Variants in CANX observed in about 807,000 individuals in gnomAD.
CANX encodes the protein epididymis secretory sperm binding protein.
In CANX, 14 loss-of-function variants were observed where a neutral mutation model predicts 75.7. The ratio of observed to expected loss-of-function variants is 0.19; its 90% confidence interval spans 0.12 to 0.29. CANX has a LOEUF of 0.29. CANX is among the 10% of genes least tolerant of loss of function. CANX has a pLI of 1.00. For missense variants in CANX, 567 were observed against 713.2 expected (o/e 0.79, Z 2.34); for synonymous variants, 227 against 236.9 (o/e 0.96, Z 0.38).
chr5:179,686,224 C>T (rs1380859170), intron 1 of CANX, among the ~76,000 whole-genome samples: 3 of 148,026 alleles, frequency 2.0e-5, no homozygotes, highest in African/African-American at 7.4e-5. Context: ...CAGCCTCCTG[C>T]GTAGCTGGGA....
intron 7 of CANX, 139 bp downstream of exon 7, chr5:179,710,204 C>T (rs570122866): frequency 1.8e-4 from 99 of 554,808 alleles, no homozygotes; most frequent in African/African-American, 1.8e-3. Context: ...GGGCAGATCA[C>T]CTGAGATCAG....
intron 7 of CANX, chr5:179,715,800 T>C (rs1458195895): frequency 5.1e-6 from 2 of 394,094 alleles, no homozygotes; most frequent in African/African-American, 4.2e-5. Flanking sequence ...ATTGTGTTAG[T>C]TTATGTAGTT....
upstream of CANX, among the ~76,000 whole-genome samples, chr5:179,696,498 A>G (rs1034226532): frequency 6.7e-6 from 1 of 148,810 alleles, no homozygotes; most frequent in Non-Finnish European, 1.5e-5. Flanking sequence ...CTGGTCTTGA[A>G]CTCCTGACCT....
chr5:179,690,557 CAA>C (rs1705435121), intron 1 of CANX, among the ~76,000 whole-genome samples: 1 of 91,908 alleles, frequency 1.1e-5, no homozygotes, highest in African/African-American at 4.4e-5. Context: ...GCCTGGGGGA[CAA>C]GAGTGAGACT....
chr5:179,707,645 ATT>A (rs775542894), intron 4 of CANX, among the ~76,000 whole-genome samples: 3,210 of 103,606 alleles, frequency 0.031, 40 homozygotes, highest in Non-Finnish European at 0.046. Context: ...GTGTTGCCTA[ATT>A]TTTTTTTTTT....
Position 179,708,296 on chromosome 5 carries a change from T to C in CANX, c.362T>C (p.Val121Ala). 1 of 1,613,524 alleles carries C rather than the reference T, an allele frequency of 6.2e-7. No individual in the cohort carries two copies. The highest frequency in any genetic ancestry group is 8.5e-7 in the Non-Finnish European group (1 of 1,179,458). Residue 121 changes from valine to alanine, a missense_variant, in exon 5 of 15, where the codon GTG becomes GCG. Val to Ala is a moderately conservative substitution (Grantham distance 64). This residue lies in a region of CANX where 351 missense variants were observed against 433.8 expected (regional missense o/e 0.81). Transcript: ENST00000247461. Reference sequence around the variant, plus strand: ...AAGCTTCCAGGTGATAAAGGACTTGTGTTGATGTCTCGGGCCAAGCATCAT... The same window carrying C: ...AAGCTTCCAGGTGATAAAGGACTTGCGTTGATGTCTCGGGCCAAGCATCAT... ...ESKLPGDKGL[V>A]LMSRAKHHAI...
intron 1 of CANX, among the ~76,000 whole-genome samples, chr5:179,681,407 G>C (rs555466717): frequency 6.6e-6 from 1 of 152,294 alleles, no homozygotes; most frequent in African/African-American, 2.4e-5. Flanking sequence ...TCTTGTTCAA[G>C]TGAATTATTG....
At chr5:179,711,684 G>A (rs1777563850) in intron 7 of CANX, among the ~76,000 whole-genome samples, 1 of 151,370 alleles carries the variant, frequency 6.6e-6, no homozygotes, top group African/African-American at 2.4e-5. Context: ...AGCTACTCAG[G>A]AGGCTGAGGC....
rs1463846811 is a variant in CANX, at chr5:179,716,189, C to T, written c.806C>T (p.Pro269Leu). 6.2e-7 allele frequency: 1 copy of T among 1,613,426 alleles called. No homozygotes were observed. The highest frequency in any genetic ancestry group is 8.5e-7 in the Non-Finnish European group (1 of 1,179,304). ...AATCTGCTCAATGACATGACTCCTC[C>T]TGTAAATCCTTCACGTGAAATTGAG... ...SGNLLNDMTP[P>L]VNPSREIEDP... The change falls in exon 8 of 15, where the codon CCT (proline) becomes CTT (leucine). Residue 269 changes from proline (P) to leucine (L), a missense_variant. This residue lies in a region of CANX where 351 missense variants were observed against 433.8 expected (regional missense o/e 0.81). Transcript: ENST00000247461.
In CANX at chr5:179,723,766, G is replaced by A; in HGVS notation, c.1505G>A (p.Cys502Tyr). ...ALPVFLVILF[C>Y]CSGKKQTSGM... ...CCTGTGTTCCTGGTTATCCTCTTCT[G>A]CTGTTCTGGAAAGGTAGGAAGTTTT... Residue 502 changes from cysteine to tyrosine, a missense_variant, in exon 12 of 15, where the codon TGC becomes TAC. Transcript: ENST00000247461. 2 of 1,609,220 alleles carry A rather than the reference G, an allele frequency of 1.2e-6. No homozygotes were observed. Among genetic ancestry groups the A allele is most frequent in the Non-Finnish European group, 1.7e-6 (2 of 1,178,324 alleles).
At chr5:179,698,704 C>T, upstream of CANX, 1 of 891,544 alleles carries the variant, frequency 1.1e-6, no homozygotes, top group South Asian at 1.4e-5. Context: ...CGCGCGCGCC[C>T]GGCGGTCTCG....
intron 2 of CANX, 123 bp downstream of exon 2, chr5:179,705,975 AGCCTTG>A: frequency 2.8e-6 from 2 of 722,240 alleles, no homozygotes; most frequent in Non-Finnish European, 4.7e-6. Context: ...GTGTGAGTCC[AGCCTTG>A]GCAACACAGG....
At chr5:179,701,949 C>A (rs1025995957) in intron 1 of CANX, among the ~76,000 whole-genome samples, 1 of 151,856 alleles carries the variant, frequency 6.6e-6, no homozygotes, top group African/African-American at 2.4e-5. Context: ...CCGGGTTGTC[C>A]AGGCTGGTTG....
chr5:179,683,584 AGT>A (rs1308355810), intron 1 of CANX, among the ~76,000 whole-genome samples: 2 of 151,822 alleles, frequency 1.3e-5, no homozygotes, highest in Non-Finnish European at 2.9e-5. Flanking sequence ...CCCAGACTGG[AGT>A]GCAGTGGTAT....
At chr5:179,723,847 GAT>G (rs565038598) in intron 12 of CANX, 68 bp downstream of exon 12, 1 of 1,409,834 alleles carries the variant, frequency 7.1e-7, no homozygotes, top group Non-Finnish European at 9.7e-7. Context: ...AAATAACTAA[GAT>G]ATGTTGCCTG....
chr5:179,686,205 C>T (rs545543567), intron 1 of CANX, among the ~76,000 whole-genome samples: 14 of 148,420 alleles, frequency 9.4e-5, no homozygotes, highest in Non-Finnish European at 1.9e-4. Flanking sequence ...TCAAGCAATT[C>T]TCCTGCCTCA....
At chr5:179,679,192 C>T in intron 1 of CANX, 1 of 1,534,944 alleles carries the variant, frequency 6.5e-7, no homozygotes, top group Non-Finnish European at 8.7e-7. Context: ...CTCGGGAGCG[C>T]TGGCGACTCG....
rs1208199823 is a variant in CANX at position 179,729,593 on chromosome 5, TC to T, written c.*951del. On this transcript the variant is annotated 3_prime_UTR_variant, in exon 15 of 15. Transcript: ENST00000247461. ...ATTTTCTTCACAGTGCAGCTTGCAG[TC>T]CGTTGCTGAAAATGATTATAAGCCC... 6.5e-6 allele frequency: 1 copy of T among 152,722 alleles called. No individual in the cohort carries two copies. Among genetic ancestry groups the T allele is most frequent in the Non-Finnish European group, 1.5e-5 (1 of 68,070 alleles). 9.5% of individuals were successfully genotyped at this position (152,722 alleles called of 1,614,324 possible).
intron 1 of CANX, among the ~76,000 whole-genome samples, chr5:179,680,089 G>T (rs534421305): frequency 6.6e-6 from 1 of 151,540 alleles, no homozygotes; most frequent in African/African-American, 2.4e-5. Context: ...GGGATTACAG[G>T]TGTGAGCCAC....
Sources: gnomAD v4.1 joint callset for allele counts (sites outside exome capture counted in the v4.1 genomes callset) on GRCh38, gnomAD v4.1.1 for gene constraint, gnomAD v4.1.1 regional missense constraint, MANE v1.5 for transcripts, NCBI Gene and HGNC (gene_info 2026-07-23, HGNC 2026-07-21) for gene names.